Variants in ZSCAN5C observed in about 807,000 individuals in gnomAD.
ZSCAN5C encodes the protein zinc finger and SCAN domain containing 5C.
A neutral mutation model predicts 17.3 loss-of-function variants in ZSCAN5C; 11 were observed. The observed-to-expected ratio is 0.64, with a 90% CI of 0.40 to 1.06. ZSCAN5C has a LOEUF of 1.06. Ranked by LOEUF, ZSCAN5C falls within the 50% of genes least tolerant of loss-of-function variation. The pLI, the probability that ZSCAN5C is intolerant of heterozygous loss-of-function variation, is 0.00. For missense variants in ZSCAN5C, 698 were observed against 538.9 expected, an observed-to-expected ratio of 1.30 and a Z score of -2.92; for synonymous variants, 229 against 208.4, an observed-to-expected ratio of 1.10 and a Z score of -0.85.
chr19:56,203,912 G>A (rs369976982), intron 1 of ZSCAN5C, among the ~76,000 whole-genome samples: 12 of 151,846 alleles, frequency 7.9e-5, no homozygotes, highest in African/African-American at 2.4e-4. Context: ...GCCGTCCAAC[G>A]TGCTGGGATT....
In ZSCAN5C at chr19:56,209,063, A is replaced by T; in HGVS notation, c.1354A>T (p.Lys452Ter). Reference sequence around the variant, plus strand: ...AGACTGCAAGAAAGTTTTCACCTACAAGGCAAATCTGAAGGAGCACCAGCG... The same window carrying T: ...AGACTGCAAGAAAGTTTTCACCTACTAGGCAAATCTGAAGGAGCACCAGCG... Residue 452 changes from lysine (K) to a stop codon, truncating the protein, a stop_gained, in exon 5 of 5, where the codon AAG becomes TAG. Coordinates refer to ENST00000534327, the Ensembl canonical transcript of ZSCAN5C. LOFTEE classifies it low-confidence loss of function (END_TRUNC). 6.2e-7 allele frequency: 1 copy of T among 1,605,480 alleles called. No individual in the cohort carries two copies. Among genetic ancestry groups the T allele is most frequent in the Middle Eastern group, 1.7e-4 (1 of 6,044 alleles).
chr19:56,208,927 C>T, exon 5 of ZSCAN5C: 1 of 1,613,338 alleles, frequency 6.2e-7, no homozygotes, highest in Non-Finnish European at 8.5e-7. Flanking sequence ...AGCGAACCCA[C>T]ACTGGCGAGA....
At chr19:56,209,013 C>A in exon 5 of ZSCAN5C, 1 of 1,613,046 alleles carries the variant, frequency 6.2e-7, no homozygotes, top group Non-Finnish European at 8.5e-7. Context: ...AGAAGCCACA[C>A]AGGGGAGAAG....
chr19:56,206,660 A>ATGG (rs2032925021), intron 2 of ZSCAN5C, among the ~76,000 whole-genome samples: 1 of 151,802 alleles, frequency 6.6e-6, no homozygotes, highest in Non-Finnish European at 1.5e-5. Context: ...GACATTGGTG[A>ATGG]AATATTAGGC....
rs931274343 is a variant in ZSCAN5C, at chr19:56,206,041, G to C, written c.128G>C (p.Cys43Ser). ...AATCATGACAGTGATCCTGAGACTT[G>C]TCACGTGAACTTCAGGATGTTCAGC... The change falls in exon 2 of 5, where the codon TGT becomes TCT. Residue 43 changes from cysteine (C) to serine (S), a missense_variant. Physicochemically the swap from Cys to Ser is moderately radical, Grantham distance 112 (BLOSUM62 -1). Coordinates refer to ENST00000534327, the Ensembl canonical transcript of ZSCAN5C. The C allele has an allele frequency of 2.5e-6, 4 of 1,613,186 alleles. No individual in the cohort carries two copies. The African/African-American group carries it at 4.0e-5, about 16-fold the overall frequency.
chr19:56,208,911 T>G (rs754548606), exon 5 of ZSCAN5C: 2 of 1,611,418 alleles, frequency 1.2e-6, no homozygotes, highest in Admixed American at 3.4e-5. Flanking sequence ...GGCCTGCAAT[T>G]TCACCAGCGA....
chr19:56,208,770 T>C (rs934895673), exon 5 of ZSCAN5C: 2 of 1,599,282 alleles, frequency 1.3e-6, no homozygotes, highest in Admixed American at 1.7e-5. Flanking sequence ...AAGGAACTGC[T>C]GCCCTTTGCA....
exon 2 of ZSCAN5C, chr19:56,206,214 C>G: frequency 6.3e-7 from 1 of 1,583,498 alleles, no homozygotes; most frequent in Non-Finnish European, 8.6e-7. Context: ...CCAGGAGCTC[C>G]AGGTCTTAGT....
At chr19:56,208,561 C>T in exon 5 of ZSCAN5C, 2 of 1,591,278 alleles carry the variant, frequency 1.3e-6, no homozygotes, top group Non-Finnish European at 1.7e-6. Flanking sequence ...CTTCGACTCA[C>T]AGCGGGAGCA....
intron 1 of ZSCAN5C, among the ~76,000 whole-genome samples, chr19:56,204,419 A>G (rs1036901960): frequency 5.3e-5 from 8 of 151,478 alleles, no homozygotes; most frequent in Non-Finnish European, 8.8e-5. Context: ...AGCAGGCGTG[A>G]GGGGTGCCTT....
chr19:56,203,423 A>T (rs1398991605), intron 1 of ZSCAN5C, among the ~76,000 whole-genome samples: 1 of 151,914 alleles, frequency 6.6e-6, no homozygotes, highest in African/African-American at 2.4e-5. Flanking sequence ...TTTATGGACT[A>T]ATCATTTTTG....
chr19:56,206,757 C>T (rs1269682840), intron 2 of ZSCAN5C, among the ~76,000 whole-genome samples: 1 of 147,692 alleles, frequency 6.8e-6, no homozygotes, highest in African/African-American at 2.5e-5. Flanking sequence ...TGGCTGGTAT[C>T]AGAGATTCAG....
chr19:56,204,295 T>C (rs375839630), intron 1 of ZSCAN5C, among the ~76,000 whole-genome samples: 28 of 151,026 alleles, frequency 1.9e-4, no homozygotes, highest in African/African-American at 5.2e-4. Context: ...GCTTCTATAC[T>C]GTCTCCCATA....
chr19:56,209,141 G>T (rs763649961), exon 5 of ZSCAN5C: 1 of 1,466,030 alleles, frequency 6.8e-7, no homozygotes, highest in Non-Finnish European at 9.5e-7. Context: ...AAGAGCCTTC[G>T]GTCGGCCGGC....
At chr19:56,206,935 C>T (rs2032927837) in intron 2 of ZSCAN5C, 124 bp from the exon 3 acceptor site, 2 of 604,660 alleles carry the variant, frequency 3.3e-6, no homozygotes, top group Non-Finnish European at 5.9e-6. Context: ...GCTGATTCTG[C>T]ATCGGGAAGG....
intron 1 of ZSCAN5C, among the ~76,000 whole-genome samples, chr19:56,204,762 G>A (rs1224494514): frequency 6.6e-6 from 1 of 151,834 alleles, no homozygotes; most frequent in Admixed American, 6.6e-5. Flanking sequence ...CTTTTCCCAA[G>A]ACCCTCCTGC....
At chr19:56,209,305 G>A, downstream of ZSCAN5C, 1 of 593,462 alleles carries the variant, frequency 1.7e-6, no homozygotes, top group Non-Finnish European at 3.0e-6. Flanking sequence ...GGCACGCAGA[G>A]GAGTGCCCTA....
intron 1 of ZSCAN5C, among the ~76,000 whole-genome samples, chr19:56,205,369 C>T (rs1174386414): frequency 6.6e-6 from 1 of 151,882 alleles, no homozygotes; most frequent in East Asian, 1.9e-4. Flanking sequence ...CAATATCTTA[C>T]GTTGTAACTA....
intron 1 of ZSCAN5C, among the ~76,000 whole-genome samples, chr19:56,203,506 A>G (rs2032891250): frequency 6.6e-6 from 1 of 151,762 alleles, no homozygotes; most frequent in Non-Finnish European, 1.5e-5. Context: ...AACTGAAGTC[A>G]CCATGTTGGA....
Sources: allele counts gnomAD v4.1 joint callset (sites outside exome capture counted in the v4.1 genomes callset), GRCh38; gene constraint gnomAD v4.1.1; transcripts MANE v1.5; gene names NCBI Gene and HGNC (gene_info 2026-07-23, HGNC 2026-07-21).